The following CPPED1 variants were observed in gnomAD, a reference collection of about 807,000 sequenced individuals.
CPPED1 encodes the protein serine/threonine-protein phosphatase CPPED1.
In CPPED1, 28 loss-of-function variants were observed where a neutral mutation model predicts 28.0. The ratio of observed to expected loss-of-function variants is 1.00; its 90% CI spans 0.74 to 1.37. CPPED1 has a LOEUF of 1.37. CPPED1 is among the 40% of genes most tolerant of loss of function. CPPED1 has a pLI of 0.00. For synonymous variants in CPPED1, 198 were observed against 180.2 expected (o/e 1.10, Z -0.79); for missense variants, 504 against 416.5 (o/e 1.21, Z -1.83).
chr16:12,751,357 A>C (rs1041329222), intron 2 of CPPED1, among the ~76,000 whole-genome samples: 11 of 152,184 alleles, frequency 7.2e-5, no homozygotes, highest in African/African-American at 2.4e-4. Context: ...ATATGAAGAA[A>C]GTTTTAGTGA....
intron 2 of CPPED1, among the ~76,000 whole-genome samples, chr16:12,712,791 G>C (rs1213629847): frequency 6.6e-6 from 1 of 152,116 alleles, no homozygotes; most frequent in Non-Finnish European, 1.5e-5. Flanking sequence ...AAAATATCTA[G>C]AAAAACATGG....
chr16:12,732,101 G>A (rs1348122395), intron 2 of CPPED1, among the ~76,000 whole-genome samples: 1 of 151,574 alleles, frequency 6.6e-6, no homozygotes, highest in East Asian at 1.9e-4. Flanking sequence ...AGGTTGCAGT[G>A]AGCCGAAATC....
intron 2 of CPPED1, among the ~76,000 whole-genome samples, chr16:12,721,861 A>T (rs2080142740): frequency 6.6e-6 from 1 of 152,184 alleles, no homozygotes; most frequent in Non-Finnish European, 1.5e-5. Context: ...ATTTTTAAAA[A>T]CCAACCACCT....
At chr16:12,678,036 T>C (rs1411239935) in intron 3 of CPPED1, among the ~76,000 whole-genome samples, 2 of 152,182 alleles carry the variant, frequency 1.3e-5, no homozygotes, top group Non-Finnish European at 2.9e-5. Context: ...CCACCCTCAC[T>C]AATAAAGCAT....
At position 12,704,728 on chromosome 16, in the gene CPPED1, T is replaced by A; in HGVS notation, c.611A>T (p.Gln204Leu). The A allele has an allele frequency of 6.2e-7, 1 of 1,614,222 alleles. No individual in the cohort carries two copies. Among genetic ancestry groups the A allele is most frequent in the Non-Finnish European group, 8.5e-7 (1 of 1,180,030 alleles). The change falls in exon 3 of 4, where the codon CAG (glutamine) becomes CTG (leucine). Residue 204 changes from glutamine (Q) to leucine (L), a missense_variant. Transcript: ENST00000381774. ...GCTCTCCAGGAACAGCGGGATGTGC[T>A]GGAAGACGATGGCATGCTGGCAGTG... ...QRHCQHAIVF[Q>L]HIPLFLESID...
intron 2 of CPPED1, among the ~76,000 whole-genome samples, chr16:12,773,697 G>C (rs73508424): frequency 0.018 from 2,786 of 152,252 alleles, 80 homozygotes; most frequent in African/African-American, 0.064. Flanking sequence ...CCCAGCCTGG[G>C]CGACAGAGTG....
chr16:12,801,681 G>C (rs1287161780), intron 1 of CPPED1, among the ~76,000 whole-genome samples: 1 of 152,052 alleles, frequency 6.6e-6, no homozygotes, highest in Non-Finnish European at 1.5e-5. Flanking sequence ...TGTTACCAAG[G>C]GCAAAAACCA....
chr16:12,766,700 C>T (rs2080441922), intron 2 of CPPED1, among the ~76,000 whole-genome samples: 1 of 151,998 alleles, frequency 6.6e-6, no homozygotes, highest in East Asian at 1.9e-4. Context: ...ACCAGGGGGG[C>T]GCAGGTTGCA....
Position 12,704,937 on chromosome 16 carries a change from G to C in CPPED1, c.402C>G (p.Pro134=), listed in dbSNP as rs1405736375. The C allele has an allele frequency of 6.2e-7, 1 of 1,614,042 alleles. No homozygotes were observed. Among genetic ancestry groups the C allele is most frequent in the Admixed American group, 1.7e-5 (1 of 60,008 alleles). Residue 134 remains proline (P), a synonymous_variant, in exon 3 of 4, where the codon CCC becomes CCG. Transcript: ENST00000381774. ...AGAACTCCTCGACGGTCTCGGCCGT[G>C]GGGGTGTTGCCAATGTCATGGTTGC... ...VSGNHDIGNT[P]TAETVEEFCR...
chr16:12,691,908 AC>A (rs1400267695), intron 3 of CPPED1, among the ~76,000 whole-genome samples: 1 of 151,770 alleles, frequency 6.6e-6, no homozygotes. Context: ...GCACATGTAT[AC>A]GTATGTAACA....
At chr16:12,778,272 T>C (rs2080509567) in intron 2 of CPPED1, among the ~76,000 whole-genome samples, 1 of 130,658 alleles carries the variant, frequency 7.7e-6, no homozygotes, top group Non-Finnish European at 1.6e-5. Flanking sequence ...TTTCTTTCTT[T>C]CTTTCTTTTT....
rs541660501 is a variant in CPPED1 at position 12,704,425 on chromosome 16, T to A, written c.715+199A>T. Among the ~76,000 whole-genome samples, 94 of 152,268 alleles carry A rather than the reference T, an allele frequency of 6.2e-4. No individual in the cohort carries two copies. In the South Asian group the frequency reaches 0.019, roughly 31 times the overall value. On this transcript the variant is annotated intron_variant, in intron 3 of 3. Coordinates refer to ENST00000381774, the MANE Select transcript of CPPED1 (RefSeq NM_018340.3). Reference sequence around the variant, plus strand: ...AATAAGGCTACTATTACTATTCCTGTTTTATAGACGAGGAAACTGAGGCAC... The same window carrying A: ...AATAAGGCTACTATTACTATTCCTGATTTATAGACGAGGAAACTGAGGCAC...
intron 2 of CPPED1, among the ~76,000 whole-genome samples, chr16:12,727,248 T>G (rs2080174953): frequency 1.3e-5 from 2 of 152,172 alleles, no homozygotes; most frequent in African/African-American, 4.8e-5. Flanking sequence ...CAACAGGCAT[T>G]CTGGCTGGTG....
intron 2 of CPPED1, among the ~76,000 whole-genome samples, chr16:12,773,108 C>T (rs2080478950): frequency 6.6e-6 from 1 of 152,132 alleles, no homozygotes; most frequent in East Asian, 1.9e-4. Context: ...GGGTTATGTA[C>T]AAGTGCAAGA....
At chr16:12,677,053 AAG>A (rs1415142710) in intron 3 of CPPED1, among the ~76,000 whole-genome samples, 1 of 152,212 alleles carries the variant, frequency 6.6e-6, no homozygotes, top group Non-Finnish European at 1.5e-5. Context: ...CGAGCGAGTG[AAG>A]AGAGTCAAGT....
intron 1 of CPPED1, among the ~76,000 whole-genome samples, chr16:12,801,048 T>C (rs2141249178): frequency 6.6e-6 from 1 of 152,306 alleles, no homozygotes; most frequent in Non-Finnish European, 1.5e-5. Flanking sequence ...TCCACCATAC[T>C]GGACAGTGCA....
chr16:12,707,330 C>T (rs1053808267), intron 2 of CPPED1, among the ~76,000 whole-genome samples: 1 of 152,190 alleles, frequency 6.6e-6, no homozygotes, highest in Non-Finnish European at 1.5e-5. Flanking sequence ...TTCCTACAGG[C>T]CAGGCACTGT....
intron 3 of CPPED1, among the ~76,000 whole-genome samples, chr16:12,687,347 A>G (rs768784823): frequency 3.5e-4 from 54 of 152,332 alleles, no homozygotes; most frequent in Admixed American, 1.2e-3. Flanking sequence ...AAATATTACA[A>G]TGATATCCCA....
At chr16:12,760,451 G>A (rs976897334) in intron 2 of CPPED1, 51 of 152,194 alleles carry the variant, frequency 3.4e-4, no homozygotes, top group African/African-American at 1.2e-3. Context: ...TGGACATGGT[G>A]ATCTCTACTG....
Sources: gnomAD v4.1 joint callset for allele counts (sites outside exome capture counted in the v4.1 genomes callset) on GRCh38, gnomAD v4.1.1 for gene constraint, MANE v1.5 for transcripts, NCBI Gene and HGNC (gene_info 2026-07-23, HGNC 2026-07-21) for gene names.